ADAMTS17: variants seen among roughly 807,000 people sequenced by gnomAD.
The protein encoded by ADAMTS17 is ADAM metallopeptidase with thrombospondin type 1 motif 17.
In ADAMTS17, 113 loss-of-function variants were observed where a neutral mutation model predicts 141.5. The observed-to-expected ratio is 0.80, with a 90% CI of 0.69 to 0.93. The LOEUF is 0.93. Ranked by LOEUF, ADAMTS17 falls within the 40% of genes least tolerant of loss-of-function variation. The probability of loss-of-function intolerance (pLI) is 0.00; values close to 1 mark genes in which losing one functional copy is unlikely to be tolerated. For missense variants in ADAMTS17, 1,659 were observed against 1,517.9 expected (o/e 1.09, Z -1.54); for synonymous variants, 768 against 630.6 (o/e 1.22, Z -3.27).
At position 100,293,216 on chromosome 15, in the gene ADAMTS17, G is replaced by A. The variant is rs540988619; in HGVS notation, c.617-11815C>T. 4.4e-4 allele frequency among the ~76,000 whole-genome samples: 67 copies of A among 152,248 alleles called. 2 individuals are homozygous for A. The highest frequency in any genetic ancestry group is 1.5e-3 in the African/African-American group (61 of 41,540). ...AAAGTGGGGAGGATGGGAGTGGGGG[G>A]AACAGAACTCCAAGAAAGGCCAATG... On this transcript the variant is annotated intron_variant, in intron 3 of 21. Coordinates refer to ENST00000268070, the MANE Select transcript of ADAMTS17 (RefSeq NM_139057.4).
chr15:100,041,119 G>C (rs1235222323), intron 18 of ADAMTS17, among the ~76,000 whole-genome samples: 3 of 152,142 alleles, frequency 2.0e-5, no homozygotes, highest in African/African-American at 4.8e-5. Flanking sequence ...AATAAAAAGG[G>C]ATTCCATTCC....
At chr15:100,245,693 C>T (rs989482781) in intron 7 of ADAMTS17, among the ~76,000 whole-genome samples, 1 of 152,208 alleles carries the variant, frequency 6.6e-6, no homozygotes, top group Admixed American at 6.5e-5. Context: ...ACACAAACCT[C>T]CTGCAGTGGG....
At chr15:99,975,996 C>CA (rs1263863856) in intron 21 of ADAMTS17, 49 bp downstream of exon 21, 5 of 1,522,398 alleles carry the variant, frequency 3.3e-6, no homozygotes, top group Non-Finnish European at 4.4e-6. Context: ...ACTTACTGGG[C>CA]AGGAGACACA....
chr15:100,274,512 T>C (rs2044015442), intron 4 of ADAMTS17, among the ~76,000 whole-genome samples: 1 of 152,230 alleles, frequency 6.6e-6, no homozygotes, highest in Non-Finnish European at 1.5e-5. Context: ...ACAATTAGCA[T>C]GGAATTTCTT....
chr15:100,299,608 C>T (rs978108674), intron 3 of ADAMTS17, among the ~76,000 whole-genome samples: 1 of 151,884 alleles, frequency 6.6e-6, no homozygotes, highest in African/African-American at 2.4e-5. Flanking sequence ...ACAGGGCAAA[C>T]AAAAGCCTGA....
At chr15:100,336,823 C>T (rs1025709398) in intron 2 of ADAMTS17, among the ~76,000 whole-genome samples, 1 of 152,186 alleles carries the variant, frequency 6.6e-6, no homozygotes, top group African/African-American at 2.4e-5. Flanking sequence ...TTTCTCATCA[C>T]AGGAGTCGTA....
At chr15:100,331,714 A>G (rs922473814) in intron 2 of ADAMTS17, among the ~76,000 whole-genome samples, 1 of 152,244 alleles carries the variant, frequency 6.6e-6, no homozygotes, top group East Asian at 1.9e-4. Flanking sequence ...GATCTGGCGG[A>G]TGAGTCTCAG....
chr15:100,175,129 T>A (rs1339316479), intron 8 of ADAMTS17, among the ~76,000 whole-genome samples: 1 of 152,090 alleles, frequency 6.6e-6, no homozygotes, highest in Admixed American at 6.5e-5. Context: ...ACATTTGGAG[T>A]GAAACAAGAA....
At chr15:100,142,754 G>A (rs2038719500) in intron 10 of ADAMTS17, among the ~76,000 whole-genome samples, 1 of 152,082 alleles carries the variant, frequency 6.6e-6, no homozygotes, top group African/African-American at 2.4e-5. Flanking sequence ...TGTACCAAAA[G>A]GCAATTAACG....
chr15:100,145,845 C>G (rs1356403563), intron 10 of ADAMTS17, among the ~76,000 whole-genome samples: 1 of 152,230 alleles, frequency 6.6e-6, no homozygotes, highest in Non-Finnish European at 1.5e-5. Context: ...AGTTGACATT[C>G]TAATCTTTAA....
chr15:100,337,743 T>G (rs1351949602), intron 2 of ADAMTS17, among the ~76,000 whole-genome samples: 1 of 152,148 alleles, frequency 6.6e-6, no homozygotes, highest in Non-Finnish European at 1.5e-5. Flanking sequence ...AGCCCTCCCC[T>G]CCTCTCGTTC....
chr15:100,165,830 C>A (rs777735380), intron 8 of ADAMTS17, among the ~76,000 whole-genome samples: 2 of 152,136 alleles, frequency 1.3e-5, no homozygotes, highest in Non-Finnish European at 2.9e-5. Context: ...ACCTCTGCCC[C>A]CCCTCAGGAC....
chr15:100,184,279 C>T (rs1301184177), intron 8 of ADAMTS17, among the ~76,000 whole-genome samples: 2 of 116,684 alleles, frequency 1.7e-5, no homozygotes, highest in East Asian at 7.6e-4. Flanking sequence ...TGGAAAGCTC[C>T]AGACTGTGGA....
At chr15:100,328,657 G>C (rs941746558) in intron 3 of ADAMTS17, among the ~76,000 whole-genome samples, 1 of 152,072 alleles carries the variant, frequency 6.6e-6, no homozygotes, top group African/African-American at 2.4e-5. Context: ...CCTCATTAAA[G>C]GCTAAACAGT....
intron 10 of ADAMTS17, among the ~76,000 whole-genome samples, chr15:100,140,484 C>CATATATATATATATATATAT (rs1164353969): frequency 0.031 from 1,236 of 40,294 alleles, 14 homozygotes; most frequent in Non-Finnish European, 0.05. Flanking sequence ...CACACACATA[C>CATATATATATATATATATAT]ATACATATAT....
chr15:100,108,253 C>T (rs1192125618), intron 14 of ADAMTS17, among the ~76,000 whole-genome samples: 1 of 152,010 alleles, frequency 6.6e-6, no homozygotes, highest in East Asian at 1.9e-4. Context: ...CTCACCGCAA[C>T]CTCCGTCTCC....
At position 100,256,112 on chromosome 15, in the gene ADAMTS17, T is replaced by C. The variant is rs928399077; in HGVS notation, c.1032-1933A>G. On this transcript the variant is annotated intron_variant, in intron 6 of 21. Coordinates refer to ENST00000268070, the MANE Select transcript of ADAMTS17 (RefSeq NM_139057.4). The stretch of plus-strand genomic sequence containing the variant: ...GGGAACCTGGCTCTGTTCCATTCAT[T>C]ATCAGGGGCACTCACTTTTTAGGTC... Among the ~76,000 whole-genome samples, 123 of 152,334 alleles carry C rather than the reference T, an allele frequency of 8.1e-4. 1 individual carries two copies. Among genetic ancestry groups the C allele is most frequent in the African/African-American group, 2.7e-3 (112 of 41,584 alleles).
At chr15:100,063,818 C>A (rs1174696307) in intron 15 of ADAMTS17, 1 of 1,196,790 alleles carries the variant, frequency 8.4e-7, no homozygotes, top group Admixed American at 2.3e-5. Flanking sequence ...AGAGGCCGTG[C>A]AGCATCCCCC....
chr15:100,223,154 G>A (rs71405366), intron 7 of ADAMTS17, among the ~76,000 whole-genome samples: 12,345 of 152,256 alleles, frequency 0.081, 670 homozygotes, highest in East Asian at 0.14. Flanking sequence ...TTAGCATCAG[G>A]GGAGGGAGAC....
Sources: gnomAD v4.1 joint callset for allele counts (sites outside exome capture counted in the v4.1 genomes callset) on GRCh38, gnomAD v4.1.1 for gene constraint, MANE v1.5 for transcripts, NCBI Gene and HGNC (gene_info 2026-07-23, HGNC 2026-07-21) for gene names.